Variants in PMFBP1 observed in about 807,000 individuals in gnomAD.
PMFBP1 encodes the protein polyamine-modulated factor 1-binding protein 1.
In PMFBP1, 131 loss-of-function variants were observed where a neutral mutation model predicts 137.8. The observed-to-expected ratio is 0.95, with a 90% CI of 0.82 to 1.10. The LOEUF (loss-of-function observed/expected upper bound fraction) is 1.10, where lower values mean the gene tolerates loss of function less well. Ranked by LOEUF, PMFBP1 falls within the 50% of genes least tolerant of loss-of-function variation. The pLI, the probability that PMFBP1 is intolerant of heterozygous loss-of-function variation, is 0.00. For missense variants in PMFBP1, 1,199 were observed against 1,175.4 expected, an observed-to-expected ratio of 1.02 and a Z score of -0.29; for synonymous variants, 490 against 450.4, an observed-to-expected ratio of 1.09 and a Z score of -1.11.
the PMFBP1 span, among the ~76,000 whole-genome samples, chr16:72,249,846 G>C: frequency 6.7e-6 from 1 of 149,504 alleles, no homozygotes; most frequent in Non-Finnish European, 1.5e-5. Flanking sequence ...GTTTGAACCC[G>C]GGAGGCAGAG....
At chr16:72,133,186 T>C (rs142153476) in intron 9 of PMFBP1, among the ~76,000 whole-genome samples, 195 bp from the exon 10 acceptor site, 2 of 152,156 alleles carry the variant, frequency 1.3e-5, no homozygotes, top group African/African-American at 4.8e-5. Context: ...ATAATTATTA[T>C]TATTGTTATT....
At chr16:72,197,911 C>T in the PMFBP1 span, among the ~76,000 whole-genome samples, 1 of 152,092 alleles carries the variant, frequency 6.6e-6, no homozygotes, top group African/African-American at 2.4e-5. Context: ...CAACTTGTCC[C>T]CTCCCTGACA....
In PMFBP1 at chr16:72,132,746, A is replaced by G. The variant is rs774889820; in HGVS notation, c.1447+2T>C. On this transcript the variant is annotated splice_donor_variant, in intron 10 of 20. Coordinates refer to ENST00000237353, the MANE Select transcript of PMFBP1 (RefSeq NM_031293.3). LOFTEE classifies it high-confidence loss of function. The stretch of plus-strand genomic sequence containing the variant: ...GTGGGACAGCACCTGCAGGGGCCTC[A>G]CCAGCCAGCCTCTCCTGCTGCTTGG... 3 of 1,613,974 alleles carry G rather than the reference A, an allele frequency of 1.9e-6. No individual in the cohort carries two copies. The South Asian group carries it at 3.3e-5, about 18-fold the overall frequency.
At chr16:72,128,462 C>T (rs2042494873) in intron 14 of PMFBP1, 195 bp downstream of exon 14, 1 of 1,529,480 alleles carries the variant, frequency 6.5e-7, no homozygotes, top group South Asian at 1.2e-5. Context: ...AGACCTTCCA[C>T]ATATGGAAGA....
intron 19 of PMFBP1, among the ~76,000 whole-genome samples, chr16:72,120,814 T>G (rs1295516041): frequency 6.6e-6 from 1 of 152,206 alleles, no homozygotes; most frequent in Non-Finnish European, 1.5e-5. Flanking sequence ...CTTATTAGTT[T>G]TGAGACCAGG....
intron 5 of PMFBP1, among the ~76,000 whole-genome samples, chr16:72,147,177 T>C (rs7186448): frequency 0.041 from 6,265 of 152,148 alleles, 396 homozygotes; most frequent in African/African-American, 0.14. Flanking sequence ...AAAACAGATA[T>C]ATAGACCAAT....
the PMFBP1 span, among the ~76,000 whole-genome samples, chr16:72,229,160 C>T: frequency 6.6e-6 from 1 of 152,122 alleles, no homozygotes; most frequent in African/African-American, 2.4e-5. Flanking sequence ...TAGCTCCATC[C>T]ATGTTGCTGT....
chr16:72,139,317 G>A lies in PMFBP1; in HGVS notation c.890C>T (p.Ser297Phe). Residue 297 changes from serine (S) to phenylalanine (F), a missense_variant, in exon 7 of 21, where the codon TCC becomes TTC. By Grantham distance (155) the Ser-to-Phe change is radical. Coordinates refer to ENST00000237353, the MANE Select transcript of PMFBP1 (RefSeq NM_031293.3). ...CTATHRYPPS[S>F]SEECEDIKKI... ...TTTGATGTCTTCACACTCTTCTGAGGAGCTAGGAGGGTATCTGTGGGTGGC... is the reference window on the plus strand; with the variant it reads ...TTTGATGTCTTCACACTCTTCTGAGAAGCTAGGAGGGTATCTGTGGGTGGC... 6.2e-7 allele frequency: 1 copy of A among 1,614,000 alleles called. No homozygotes were observed. The highest frequency in any genetic ancestry group is 8.5e-7 in the Non-Finnish European group (1 of 1,179,868).
In PMFBP1 at chr16:72,136,779, AG is replaced by A. The variant is rs776862454; in HGVS notation, c.958del (p.Leu320CysfsTer10). 1 of 1,614,128 alleles carries A rather than the reference AG, an allele frequency of 6.2e-7. No individual in the cohort carries two copies. Among genetic ancestry groups the A allele is most frequent in the South Asian group, 1.1e-5 (1 of 91,070 alleles). Reference protein sequence around the residue: ...HLQEQKDSQCLHVEEYQNLVK... With the variant: ...HLQEQKDSQCXHVEEYQNLVK... ...CAGGTTCTGGTACTCCTCCACATGCAGGCACTGGCTGTCTTTCTGCTCCTGC... is the reference window on the plus strand; with the variant it reads ...CAGGTTCTGGTACTCCTCCACATGCAGCACTGGCTGTCTTTCTGCTCCTGC... On this transcript the variant is annotated frameshift_variant, in exon 8 of 21. Coordinates refer to ENST00000237353, the MANE Select transcript of PMFBP1 (RefSeq NM_031293.3). LOFTEE classifies it high-confidence loss of function.
In PMFBP1 at chr16:72,123,564, T is replaced by TAATG; in HGVS notation, c.2674_2675insCATT (p.Gln892ProfsTer12). 1 of 1,614,146 alleles carries TAATG rather than the reference T, an allele frequency of 6.2e-7. No individual in the cohort carries two copies. Among genetic ancestry groups the TAATG allele is most frequent in the East Asian group, 2.2e-5 (1 of 44,878 alleles). ...TACTCACTTCTGCTGTTTTGCCCAT[T>TAATG]GCTCCAAGTTGGTCATAATCTGATC... On this transcript the variant is annotated frameshift_variant, in exon 18 of 21. Transcript: ENST00000237353. LOFTEE classifies it high-confidence loss of function.
chr16:72,125,044 T>C (rs1397280199), intron 16 of PMFBP1, 110 bp from the exon 17 acceptor site: 5 of 1,437,954 alleles, frequency 3.5e-6, no homozygotes, highest in Non-Finnish European at 4.7e-6. Context: ...TTGGGGGTAT[T>C]TTCTTCTCAG....
the PMFBP1 span, among the ~76,000 whole-genome samples, chr16:72,199,038 G>C: frequency 6.6e-6 from 1 of 152,210 alleles, no homozygotes; most frequent in Non-Finnish European, 1.5e-5. Flanking sequence ...ATGAGGCTTT[G>C]TTTTCTGTGC....
intron 7 of PMFBP1, among the ~76,000 whole-genome samples, chr16:72,138,315 G>C (rs2042664426): frequency 6.6e-6 from 1 of 152,140 alleles, no homozygotes; most frequent in Non-Finnish European, 1.5e-5. Flanking sequence ...GACATGTGTT[G>C]TTTACTCCCT....
chr16:72,156,595 G>C (rs1305745324), intron 3 of PMFBP1, among the ~76,000 whole-genome samples: 1 of 151,688 alleles, frequency 6.6e-6, no homozygotes, highest in Non-Finnish European at 1.5e-5. Context: ...ACTCCAGCCT[G>C]AGCGACAGAG....
chr16:72,182,057 T>G, the PMFBP1 span, among the ~76,000 whole-genome samples: 6 of 152,366 alleles, frequency 3.9e-5, no homozygotes, highest in East Asian at 1.2e-3. Flanking sequence ...GGGCTGCATG[T>G]GGCCCATGGG....
At chr16:72,162,658 C>T (rs1388874156) in intron 3 of PMFBP1, among the ~76,000 whole-genome samples, 1 of 152,232 alleles carries the variant, frequency 6.6e-6, no homozygotes, top group Non-Finnish European at 1.5e-5. Context: ...AAATTCTGCA[C>T]TAAGTGCTAG....
chr16:72,166,258 G>T (rs1031684975), intron 2 of PMFBP1, among the ~76,000 whole-genome samples: 3 of 152,098 alleles, frequency 2.0e-5, no homozygotes, highest in Non-Finnish European at 4.4e-5. Flanking sequence ...TGCTGTTCTT[G>T]TAATAGTGAG....
intron 5 of PMFBP1, among the ~76,000 whole-genome samples, chr16:72,146,869 A>T (rs2042815255): frequency 1.3e-5 from 2 of 152,180 alleles, no homozygotes; most frequent in African/African-American, 4.8e-5. Context: ...TAAGGAAATA[A>T]AAGAGGACAC....
At chr16:72,161,456 C>A (rs1012473192) in intron 3 of PMFBP1, among the ~76,000 whole-genome samples, 6 of 152,068 alleles carry the variant, frequency 3.9e-5, no homozygotes, top group African/African-American at 1.4e-4. Flanking sequence ...CTTGTACTAG[C>A]AGAGCATAGA....
Sources: allele counts gnomAD v4.1 joint callset (sites outside exome capture counted in the v4.1 genomes callset), GRCh38; gene constraint gnomAD v4.1.1; transcripts MANE v1.5; gene names NCBI Gene and HGNC (gene_info 2026-07-23, HGNC 2026-07-21).